Variants in CARD8 observed in about 807,000 individuals in gnomAD.
CARD8 encodes the protein caspase recruitment domain-containing protein 8.
CARD8 carries 38 observed loss-of-function variants against 53.2 expected under a neutral mutation model. The observed-to-expected ratio is 0.71, with a 90% CI of 0.55 to 0.94. The LOEUF is 0.94. Among genes scored for constraint, CARD8 ranks in the 40% least tolerant of loss-of-function variants. CARD8 has a pLI of 0.00. For synonymous variants in CARD8, 245 were observed against 244.9 expected (o/e 1.00, Z 0.00); for missense variants, 561 against 655.5 (o/e 0.86, Z 1.57).
At chr19:48,250,054 A>G (rs1212600874) in intron 1 of CARD8, among the ~76,000 whole-genome samples, 1 of 152,216 alleles carries the variant, frequency 6.6e-6, no homozygotes, top group Non-Finnish European at 1.5e-5. Flanking sequence ...TTTTATACCA[A>G]TGTTTGTGTT....
At chr19:48,229,311 A>G (rs1206173503) in intron 10 of CARD8, among the ~76,000 whole-genome samples, 3 of 152,208 alleles carry the variant, frequency 2.0e-5, no homozygotes, top group Non-Finnish European at 2.9e-5. Context: ...GCAAGTAAGC[A>G]TATGAGATTT....
At chr19:48,242,558 T>C (rs1267859636) in intron 3 of CARD8, 1 of 152,262 alleles carries the variant, frequency 6.6e-6, no homozygotes, top group African/African-American at 2.4e-5. Flanking sequence ...CTTTCATGGC[T>C]GAATAATATT....
chr19:48,204,576 A>AT (rs1017203099), downstream of CARD8, among the ~76,000 whole-genome samples: 23 of 152,218 alleles, frequency 1.5e-4, no homozygotes, highest in African/African-American at 5.5e-4. Context: ...TTCTGCAGTT[A>AT]TTATAGAGCT....
intron 1 of CARD8, among the ~76,000 whole-genome samples, chr19:48,251,738 T>A (rs1568960410): frequency 6.6e-6 from 1 of 152,202 alleles, no homozygotes; most frequent in Non-Finnish European, 1.5e-5. Context: ...TCTAAACAGA[T>A]AAAACTCCCC....
chr19:48,255,448 A>G (rs771707316), intron 1 of CARD8, among the ~76,000 whole-genome samples: 2 of 152,232 alleles, frequency 1.3e-5, no homozygotes, highest in Non-Finnish European at 2.9e-5. Context: ...AAAGTTATAC[A>G]GTTACAGTGT....
intron 11 of CARD8, among the ~76,000 whole-genome samples, chr19:48,219,928 G>A (rs774749686): frequency 8.5e-5 from 13 of 152,218 alleles, no homozygotes; most frequent in African/African-American, 3.1e-4. Context: ...CAGACATTGC[G>A]CCACTGCACT....
rs1469044165 is a variant in CARD8 at position 48,255,795 on chromosome 19, G to C, written c.-255C>G. 2 of 152,244 alleles carry C rather than the reference G, an allele frequency of 1.3e-5. No individual in the cohort carries two copies. The highest frequency in any genetic ancestry group is 2.9e-5 in the Non-Finnish European group (2 of 68,080). The allele number at this position is 152,244 out of a possible 1,614,324, so 9.4% of individuals were successfully genotyped here. The stretch of plus-strand genomic sequence containing the variant: ...CACTAGGGCTCCTGAAACTCACCTG[G>C]TAAGCGCTCCAGAAAAGCAGCAGGT... On this transcript the variant is annotated 5_prime_UTR_variant, in exon 1 of 14. Transcript: ENST00000651546.
chr19:48,234,371 C>G, intron 6 of CARD8, 32 bp downstream of exon 6: 1 of 1,593,478 alleles, frequency 6.3e-7, no homozygotes, highest in East Asian at 2.3e-5. Context: ...ACACAGCGTC[C>G]AATAGTTTTC....
chr19:48,207,734 G>GTTTTTTTTTTTTTTT (rs758903014), downstream of CARD8, among the ~76,000 whole-genome samples: 119 of 116,456 alleles, frequency 1.0e-3, 6 homozygotes, highest in African/African-American at 1.6e-3. Flanking sequence ...TTGTTTTTCT[G>GTTTTTTTTTTTTTTT]TTTTTTTTTT....
chr19:48,219,332 G>A (rs10412486), intron 11 of CARD8, among the ~76,000 whole-genome samples: 11,163 of 152,100 alleles, frequency 0.073, 1,287 homozygotes, highest in African/African-American at 0.25. Context: ...CTCAGAATCC[G>A]AGATTCTATA....
At chr19:48,228,934 T>A (rs1290130830) in intron 10 of CARD8, among the ~76,000 whole-genome samples, 3 of 151,338 alleles carry the variant, frequency 2.0e-5, no homozygotes, top group Non-Finnish European at 4.4e-5. Context: ...AGGTCAGGAG[T>A]TCAAGGCTAG....
intron 10 of CARD8, among the ~76,000 whole-genome samples, chr19:48,229,302 C>T (rs1291448676): frequency 6.6e-6 from 1 of 151,826 alleles, no homozygotes; most frequent in Non-Finnish European, 1.5e-5. Flanking sequence ...AGGTATGAAG[C>T]AAGTAAGCAT....
At position 48,209,586 on chromosome 19, in the gene CARD8, A is replaced by C. The variant is rs980248399; in HGVS notation, c.*2124T>G. On this transcript the variant is annotated 3_prime_UTR_variant, in exon 14 of 14. Coordinates refer to ENST00000651546, the MANE Select transcript of CARD8 (RefSeq NM_001184900.3). ...TATCAGGGACATTTAGGAAAACATA[A>C]AAGTCTAACATTTCCACAATAAGAG... 2 of 152,220 alleles carry C rather than the reference A, an allele frequency of 1.3e-5. No homozygotes were observed. Among genetic ancestry groups the C allele is most frequent in the Non-Finnish European group, 2.9e-5 (2 of 68,034 alleles). 9.4% of individuals were successfully genotyped at this position (152,220 alleles called of 1,614,324 possible). A position where few individuals can be genotyped will look rare whatever the true frequency, so the allele number is the denominator to read the frequency against.
intron 3 of CARD8, among the ~76,000 whole-genome samples, chr19:48,243,249 G>A (rs568854697): frequency 1.2e-4 from 19 of 152,184 alleles, no homozygotes; most frequent in African/African-American, 4.1e-4. Context: ...TCCTGACCTG[G>A]TGATCCTCCC....
chr19:48,225,397 A>G (rs557332930), intron 10 of CARD8, among the ~76,000 whole-genome samples: 3 of 152,118 alleles, frequency 2.0e-5, no homozygotes, highest in Non-Finnish European at 4.4e-5. Context: ...ACGCTGAGGC[A>G]GGAGAATCGC....
chr19:48,238,183 G>T, intron 5 of CARD8, 200 bp downstream of exon 5: 1 of 974,140 alleles, frequency 1.0e-6, no homozygotes, highest in Non-Finnish European at 1.4e-6. Flanking sequence ...GAGCCACTGG[G>T]CTCAGACCTT....
At chr19:48,239,134 T>C (rs957638889) in intron 4 of CARD8, among the ~76,000 whole-genome samples, 27 of 152,208 alleles carry the variant, frequency 1.8e-4, no homozygotes, top group Admixed American at 3.3e-4. Flanking sequence ...TGCACAACAC[T>C]GAATGGACTG....
chr19:48,226,610 C>CA (rs34301141), intron 10 of CARD8, among the ~76,000 whole-genome samples: 1 of 151,810 alleles, frequency 6.6e-6, no homozygotes, highest in African/African-American at 2.4e-5. Context: ...ACTTATTTTG[C>CA]AAAAAATCTC....
intron 1 of CARD8, among the ~76,000 whole-genome samples, chr19:48,251,165 T>C (rs2046890688): frequency 6.6e-6 from 1 of 152,190 alleles, no homozygotes; most frequent in Non-Finnish European, 1.5e-5. Flanking sequence ...AACCAATGGA[T>C]ACTAAAGAAT....
Sources: allele counts gnomAD v4.1 joint callset (sites outside exome capture counted in the v4.1 genomes callset), GRCh38; gene constraint gnomAD v4.1.1; transcripts MANE v1.5; gene names NCBI Gene and HGNC (gene_info 2026-07-23, HGNC 2026-07-21).